The following GPC3 variants were observed in gnomAD, a reference collection of about 807,000 sequenced individuals.
GPC3 encodes glypican 3.
A neutral mutation model predicts 34.4 loss-of-function variants in GPC3; 3 were observed. The ratio of observed to expected loss-of-function variants is 0.09; its 90% CI spans 0.04 to 0.23. The LOEUF (loss-of-function observed/expected upper bound fraction) is 0.23. GPC3 is among the 10% of genes least tolerant of loss of function. The pLI is 1.00. For missense variants in GPC3, 351 were observed against 445.6 expected (o/e 0.79, Z 1.91); for synonymous variants, 177 against 174.0 (o/e 1.02, Z -0.13).
intron 2 of GPC3, among the ~76,000 whole-genome samples, chrX:133,892,077 G>A (rs145463696): frequency 7.0e-4 from 78 of 110,731 alleles, no homozygotes; most frequent in African/African-American, 2.4e-3. Flanking sequence ...ACAAATGCAT[G>A]CAGAGTATTT....
At chrX:133,858,974 G>A (rs899676388) in intron 2 of GPC3, among the ~76,000 whole-genome samples, 5 of 108,086 alleles carry the variant, frequency 4.6e-5, no homozygotes, top group East Asian at 2.9e-4. Flanking sequence ...CCAGCTATTC[G>A]GGAGGCTGAG....
intron 2 of GPC3, among the ~76,000 whole-genome samples, chrX:133,844,399 T>A (rs780277254): frequency 9.0e-6 from 1 of 111,625 alleles, no homozygotes; most frequent in East Asian, 2.8e-4. Context: ...ACTTTAAACA[T>A]ACACATTCAG....
intron 2 of GPC3, among the ~76,000 whole-genome samples, chrX:133,754,467 G>A (rs1461656245): frequency 9.0e-6 from 1 of 111,722 alleles, no homozygotes. Flanking sequence ...TTAACATTTC[G>A]GCCTTTCATG....
chrX:133,745,000 C>T (rs1282730418), intron 3 of GPC3, among the ~76,000 whole-genome samples: 8 of 108,584 alleles, frequency 7.4e-5, no homozygotes, highest in Non-Finnish European at 1.3e-4. Context: ...CATCACACAC[C>T]GGGGCCTGTC....
intron 2 of GPC3, among the ~76,000 whole-genome samples, chrX:133,914,634 A>T (rs1443437474): frequency 9.0e-6 from 1 of 110,540 alleles, no homozygotes; most frequent in African/African-American, 3.3e-5. Context: ...GACTTCCTCA[A>T]ATGGACAATA....
At chrX:133,758,106 G>T (rs1347915882) in intron 2 of GPC3, among the ~76,000 whole-genome samples, 4 of 111,927 alleles carry the variant, frequency 3.6e-5, no homozygotes, top group Non-Finnish European at 1.9e-5. Flanking sequence ...TGGTGAGAAT[G>T]TAAATAAGTT....
intron 6 of GPC3, among the ~76,000 whole-genome samples, chrX:133,619,995 C>A (rs143037722): frequency 1.8e-5 from 2 of 109,126 alleles, no homozygotes; most frequent in Non-Finnish European, 3.8e-5. Flanking sequence ...CTGAGGTGGG[C>A]GGATCATGAT....
At chrX:133,926,598 C>T (rs1296698500) in intron 2 of GPC3, among the ~76,000 whole-genome samples, 4 of 112,172 alleles carry the variant, frequency 3.6e-5, no homozygotes, top group East Asian at 5.6e-4. Context: ...AAAAATAACA[C>T]GGAGATCATG....
chrX:133,841,350 G>A (rs1422166754), intron 2 of GPC3, among the ~76,000 whole-genome samples: 1 of 103,232 alleles, frequency 9.7e-6, no homozygotes, highest in African/African-American at 3.5e-5. Context: ...GTGAGCCACC[G>A]TGCCCAGCCC....
At chrX:133,652,110 G>A (rs182364711) in intron 6 of GPC3, among the ~76,000 whole-genome samples, 7 of 112,136 alleles carry the variant, frequency 6.2e-5, no homozygotes, top group African/African-American at 2.3e-4. Flanking sequence ...GTGGCTTCCA[G>A]AATCCAATTT....
intron 2 of GPC3, among the ~76,000 whole-genome samples, chrX:133,755,688 T>C (rs1374560706): frequency 2.7e-5 from 3 of 112,387 alleles, no homozygotes; most frequent in Non-Finnish European, 5.6e-5. Flanking sequence ...AAATCTGCCT[T>C]TCTGTAAGTT....
At chrX:133,550,235 G>A (rs1026817012) in intron 7 of GPC3, among the ~76,000 whole-genome samples, 1 of 109,868 alleles carries the variant, frequency 9.1e-6, no homozygotes, top group Middle Eastern at 4.2e-3. Flanking sequence ...GGCTGGTCTC[G>A]AACTCTTGAC....
chrX:133,845,202 C>T (rs1412470124), intron 2 of GPC3, among the ~76,000 whole-genome samples: 1 of 111,385 alleles, frequency 9.0e-6, no homozygotes, highest in African/African-American at 3.3e-5. Context: ...GGAAGTCTGG[C>T]CTGAAAGGAG....
At chrX:133,597,443 A>G (rs1343161765) in intron 6 of GPC3, among the ~76,000 whole-genome samples, 1 of 111,391 alleles carries the variant, frequency 9.0e-6, no homozygotes, top group Non-Finnish European at 1.9e-5. Flanking sequence ...CTTCTTCCCC[A>G]TCACCCATTT....
At chrX:133,728,777 G>C (rs1295778772) in intron 3 of GPC3, among the ~76,000 whole-genome samples, 1 of 112,184 alleles carries the variant, frequency 8.9e-6, no homozygotes, top group Non-Finnish European at 1.9e-5. Context: ...GAGTCTTGAA[G>C]GGCAATATGC....
At chrX:133,804,351 T>A (rs1191508291) in intron 2 of GPC3, among the ~76,000 whole-genome samples, 2 of 110,547 alleles carry the variant, frequency 1.8e-5, no homozygotes, top group Non-Finnish European at 3.8e-5. Flanking sequence ...TGAATCAGAA[T>A]CTCCAAAGGC....
intron 6 of GPC3, among the ~76,000 whole-genome samples, chrX:133,654,727 A>C (rs2124394015): frequency 9.0e-6 from 1 of 111,328 alleles, no homozygotes; most frequent in African/African-American, 3.3e-5. Flanking sequence ...ACAAAAAACA[A>C]AAAACAAAAA....
intron 3 of GPC3, among the ~76,000 whole-genome samples, chrX:133,701,190 G>T (rs2071164510): frequency 9.0e-6 from 1 of 111,258 alleles, no homozygotes; most frequent in African/African-American, 3.3e-5. Context: ...ATTCTTAGTA[G>T]ATTTGCTACT....
chrX:133,547,874 T>C (rs1050180774), intron 7 of GPC3, among the ~76,000 whole-genome samples: 2 of 110,810 alleles, frequency 1.8e-5, no homozygotes, highest in African/African-American at 6.6e-5. Context: ...TTGTCCGGGC[T>C]GGTCTTGAAC....
Sources: gnomAD v4.1 joint callset for allele counts (sites outside exome capture counted in the v4.1 genomes callset) on GRCh38, gnomAD v4.1.1 for gene constraint, MANE v1.5 for transcripts, NCBI Gene and HGNC (gene_info 2026-07-23, HGNC 2026-07-21) for gene names.